Variants in UBXN2A observed in about 807,000 individuals in gnomAD.
The protein encoded by UBXN2A is UBX domain-containing protein 2A.
A neutral mutation model predicts 28.4 loss-of-function variants in UBXN2A; 28 were observed. The observed-to-expected ratio is 0.99, with a 90% CI of 0.73 to 1.35. The LOEUF is 1.35. Among genes scored for constraint, UBXN2A ranks in the 40% most tolerant of loss-of-function variants. The pLI, the probability that UBXN2A is intolerant of heterozygous loss-of-function variation, is 0.00. For missense variants in UBXN2A, 253 were observed against 297.9 expected, an observed-to-expected ratio of 0.85 and a Z score of 1.11; for synonymous variants, 97 against 103.6, an observed-to-expected ratio of 0.94 and a Z score of 0.39.
At chr2:23,962,733 G>A (rs1388503014) in intron 2 of UBXN2A, among the ~76,000 whole-genome samples, 2 of 151,254 alleles carry the variant, frequency 1.3e-5, no homozygotes, top group Non-Finnish European at 2.9e-5. Flanking sequence ...AGCCTCCCTA[G>A]TAGCTGGAAT....
intron 6 of UBXN2A, among the ~76,000 whole-genome samples, chr2:23,993,485 C>G (rs1708424001): frequency 6.6e-6 from 1 of 152,044 alleles, no homozygotes; most frequent in South Asian, 2.1e-4. Flanking sequence ...CCCTGGCCAA[C>G]AATTTCACTC....
In UBXN2A at chr2:23,977,043, C is replaced by T. The variant is rs1349264519; in HGVS notation, c.255C>T (p.Ala85=). The change falls in exon 4 of 7, where the codon GCC becomes GCT. Residue 85 remains alanine, a synonymous_variant. Coordinates refer to ENST00000309033, the MANE Select transcript of UBXN2A (RefSeq NM_181713.4). ...ATTTCAGAAGTTATTCCGATGGTGC[C>T]AGTCAGCAGTTTTTGAACTCCATCA... ...NDDFRSYSDG[A]SQQFLNSIKK... 6.2e-7 allele frequency: 1 copy of T among 1,612,814 alleles called. No individual in the cohort carries two copies. Among genetic ancestry groups the T allele is most frequent in the East Asian group, 2.2e-5 (1 of 44,844 alleles).
At chr2:23,951,295 A>G (rs1706347693) in intron 1 of UBXN2A, among the ~76,000 whole-genome samples, 1 of 151,490 alleles carries the variant, frequency 6.6e-6, no homozygotes, top group Non-Finnish European at 1.5e-5. Flanking sequence ...ATTTTGTTCA[A>G]TATGTATCCC....
intron 1 of UBXN2A, among the ~76,000 whole-genome samples, chr2:23,933,661 G>A (rs1236857676): frequency 3.9e-5 from 6 of 152,168 alleles, no homozygotes; most frequent in Admixed American, 2.0e-4. Context: ...GTTTGAGGCT[G>A]TAGTGAGCCT....
At chr2:23,965,752 C>T (rs1474864173) in intron 2 of UBXN2A, among the ~76,000 whole-genome samples, 1 of 152,176 alleles carries the variant, frequency 6.6e-6, no homozygotes, top group Non-Finnish European at 1.5e-5. Context: ...ATTCCCTCTG[C>T]TTCTATTTTC....
chr2:23,929,600 C>A (rs905997143), intron 1 of UBXN2A, among the ~76,000 whole-genome samples: 12 of 151,746 alleles, frequency 7.9e-5, no homozygotes, highest in Non-Finnish European at 1.8e-4. Flanking sequence ...ATAATCCCAG[C>A]TATTTGGGAG....
chr2:23,954,720 T>C (rs910428643), intron 1 of UBXN2A, among the ~76,000 whole-genome samples: 1 of 151,968 alleles, frequency 6.6e-6, no homozygotes. Context: ...TGGAAAAATG[T>C]CTATTCACAC....
chr2:23,983,448 G>A (rs150396703), intron 5 of UBXN2A, among the ~76,000 whole-genome samples: 3,388 of 152,076 alleles, frequency 0.022, 133 homozygotes, highest in African/African-American at 0.077. Context: ...CAGAGATTGC[G>A]GTGAGCCGAG....
rs1264824114 is a variant in UBXN2A at position 23,990,532 on chromosome 2, C to CG, written c.584+5708dup. 1.8e-3 allele frequency among the ~76,000 whole-genome samples: 51 copies of CG among 27,882 alleles called. 1 individual carries two copies. The highest frequency in any genetic ancestry group is 8.0e-3 in the Admixed American group (18 of 2,244). The allele number at this position is 27,882 out of a possible 152,430, so 18.3% of individuals were successfully genotyped here. A position where few individuals can be genotyped will look rare whatever the true frequency, so the allele number is the denominator to read the frequency against. On this transcript the variant is annotated intron_variant, in intron 6 of 6. Coordinates refer to ENST00000309033, the MANE Select transcript of UBXN2A (RefSeq NM_181713.4). ...CTGAAATCCCAGCACTTTGGGAGGC[C>CG]GGGGGGGCGGGGGGGCGGATCACTT...
chr2:23,936,771 C>A (rs1485940079), upstream of UBXN2A, among the ~76,000 whole-genome samples: 2 of 152,058 alleles, frequency 1.3e-5, no homozygotes, highest in African/African-American at 4.8e-5. Flanking sequence ...AGTGCAGTGG[C>A]GTGATCTCGG....
At chr2:23,985,199 A>G (rs1057031357) in intron 6 of UBXN2A, among the ~76,000 whole-genome samples, 5 of 152,158 alleles carry the variant, frequency 3.3e-5, no homozygotes, top group African/African-American at 1.2e-4. Flanking sequence ...TAGCCTGCCA[A>G]AGTGCTGGGA....
At chr2:23,937,357 C>A (rs756719517), upstream of UBXN2A, among the ~76,000 whole-genome samples, 1 of 152,014 alleles carries the variant, frequency 6.6e-6, no homozygotes, top group Non-Finnish European at 1.5e-5. Context: ...CCAGCCTGGG[C>A]AACACAGTGA....
intron 6 of UBXN2A, among the ~76,000 whole-genome samples, chr2:23,991,342 T>A (rs544670742): frequency 6.6e-6 from 1 of 152,198 alleles, no homozygotes; most frequent in East Asian, 1.9e-4. Flanking sequence ...GATTCATGGC[T>A]GAGACCCCTT....
intron 4 of UBXN2A, among the ~76,000 whole-genome samples, chr2:23,982,253 G>T (rs1298919333): frequency 2.0e-5 from 3 of 151,848 alleles, no homozygotes; most frequent in Non-Finnish European, 4.4e-5. Context: ...TGTAGTCCCA[G>T]CTACTTAGGA....
At position 24,004,164 on chromosome 2, in the gene UBXN2A, G is replaced by T. The variant is rs1477012963; in HGVS notation, c.*4297G>T. 6.6e-6 allele frequency: 1 copy of T among 152,120 alleles called. No homozygotes were observed. Among genetic ancestry groups the T allele is most frequent in the African/African-American group, 2.4e-5 (1 of 41,424 alleles). The allele number at this position is 152,120 out of a possible 1,614,324, so 9.4% of individuals were successfully genotyped here. ...AATCATCCAGTAAAGCTTTTTAACT[G>T]AGAATTTAAAAGTTGTAAAATTGTT... On this transcript the variant is annotated 3_prime_UTR_variant, in exon 7 of 7. Transcript: ENST00000309033.
At chr2:23,955,734 T>C (rs1024143417) in intron 1 of UBXN2A, among the ~76,000 whole-genome samples, 2 of 152,122 alleles carry the variant, frequency 1.3e-5, no homozygotes, top group Non-Finnish European at 2.9e-5. Context: ...TCCAAACATA[T>C]CTCAACATAG....
At chr2:23,937,823 G>A (rs767057394), upstream of UBXN2A, among the ~76,000 whole-genome samples, 19 of 152,134 alleles carry the variant, frequency 1.2e-4, no homozygotes, top group Non-Finnish European at 2.4e-4. Context: ...AAGTGAATTC[G>A]TCGTTGTGTG....
In UBXN2A at chr2:23,958,313, G is replaced by T; in HGVS notation, c.-2G>T. On this transcript the variant is annotated 5_prime_UTR_variant, in exon 2 of 7. Transcript: ENST00000309033. ...TGTACTTTTACAGTAAGGCGAAAGAGAATGAAAGACGTAGATAACCTCAAA... is the reference window on the plus strand; with the variant it reads ...TGTACTTTTACAGTAAGGCGAAAGATAATGAAAGACGTAGATAACCTCAAA... 1.2e-6 allele frequency: 2 copies of T among 1,600,440 alleles called. No individual in the cohort carries two copies. The highest frequency in any genetic ancestry group is 1.7e-6 in the Non-Finnish European group (2 of 1,175,806).
intron 4 of UBXN2A, among the ~76,000 whole-genome samples, chr2:23,977,539 G>A (rs187076938): frequency 5.3e-5 from 8 of 151,854 alleles, no homozygotes; most frequent in African/African-American, 1.9e-4. Flanking sequence ...CTACTTGGGA[G>A]TCTGAGGCAG....
Sources: allele counts gnomAD v4.1 joint callset (sites outside exome capture counted in the v4.1 genomes callset), GRCh38; gene constraint gnomAD v4.1.1; transcripts MANE v1.5; gene names NCBI Gene and HGNC (gene_info 2026-07-23, HGNC 2026-07-21).